LINGO2: variants seen among roughly 807,000 people sequenced by gnomAD.
LINGO2 encodes leucine rich repeat and Ig domain containing 2.
A neutral mutation model predicts 30.6 loss-of-function variants in LINGO2; 14 were observed. The observed-to-expected ratio is 0.46, with a 90% CI of 0.30 to 0.72. The LOEUF (loss-of-function observed/expected upper bound fraction) is 0.72, where lower values mean the gene tolerates loss of function less well. Ranked by LOEUF, LINGO2 falls within the 30% of genes least tolerant of loss-of-function variation. LINGO2 has a pLI of 0.07. For synonymous variants in LINGO2, 317 were observed against 288.5 expected, an observed-to-expected ratio of 1.10 and a Z score of -1.00; for missense variants, 729 against 751.7, an observed-to-expected ratio of 0.97 and a Z score of 0.35.
At chr9:28,663,753 G>A (rs1049928798) in intron 1 of LINGO2, among the ~76,000 whole-genome samples, 7 of 152,064 alleles carry the variant, frequency 4.6e-5, no homozygotes, top group Non-Finnish European at 8.8e-5. Flanking sequence ...TTTAATTGTA[G>A]CTCCCTTCAC....
chr9:29,041,039 C>G, the LINGO2 span, among the ~76,000 whole-genome samples: 2 of 151,626 alleles, frequency 1.3e-5, no homozygotes, highest in African/African-American at 4.8e-5. Context: ...CTATTGTGCA[C>G]TCTTCTTTCA....
At chr9:28,151,890 T>C (rs2133558401) in intron 4 of LINGO2, among the ~76,000 whole-genome samples, 1 of 152,212 alleles carries the variant, frequency 6.6e-6, no homozygotes, top group South Asian at 2.1e-4. Context: ...GACTAGATGA[T>C]TTAACATTTT....
intron 4 of LINGO2, among the ~76,000 whole-genome samples, chr9:28,048,032 A>G (rs887733688): frequency 6.6e-6 from 1 of 150,810 alleles, no homozygotes; most frequent in African/African-American, 2.5e-5. Context: ...TTAGACATTA[A>G]ACTTACAAAG....
At chr9:29,010,846 C>T in the LINGO2 span, among the ~76,000 whole-genome samples, 2 of 145,732 alleles carry the variant, frequency 1.4e-5, no homozygotes, top group East Asian at 4.0e-4. Context: ...TGTGCCACTG[C>T]ACTCCAGCCT....
the LINGO2 span, among the ~76,000 whole-genome samples, chr9:28,854,527 A>G: frequency 6.6e-6 from 1 of 152,046 alleles, no homozygotes; most frequent in Non-Finnish European, 1.5e-5. Context: ...GAATCTCCAC[A>G]GAGTTGCAAT....
At chr9:29,180,170 C>T in the LINGO2 span, among the ~76,000 whole-genome samples, 1 of 152,166 alleles carries the variant, frequency 6.6e-6, no homozygotes, top group Non-Finnish European at 1.5e-5. Context: ...CTGCCTCTTT[C>T]ACATACATAA....
At chr9:29,159,655 G>C in the LINGO2 span, among the ~76,000 whole-genome samples, 3 of 151,990 alleles carry the variant, frequency 2.0e-5, no homozygotes, top group African/African-American at 4.8e-5. Flanking sequence ...TCAGGAGTTC[G>C]AGACAAGCCT....
the LINGO2 span, among the ~76,000 whole-genome samples, chr9:28,738,727 G>C: frequency 6.6e-6 from 1 of 151,928 alleles, no homozygotes; most frequent in Non-Finnish European, 1.5e-5. Flanking sequence ...TTCTCAGAAT[G>C]CAAGGGAGAT....
chr9:28,111,444 T>G (rs534760597), intron 4 of LINGO2, among the ~76,000 whole-genome samples: 2 of 152,052 alleles, frequency 1.3e-5, no homozygotes, highest in East Asian at 3.9e-4. Flanking sequence ...GCTGACATCA[T>G]GCGTTCCTCC....
Position 28,003,386 on chromosome 9 carries a change from T to TATAG in LINGO2, c.-36+8968_-36+8969insCTAT, listed in dbSNP as rs144010026. On this transcript the variant is annotated intron_variant, in intron 5 of 5. Coordinates refer to ENST00000379992, the Ensembl canonical transcript of LINGO2. ...AGATAGATAGATAGATAGATAGATATAGAGAGAGAGAGAGTTAGAGAGTTC... is the reference window on the plus strand; with the variant it reads ...AGATAGATAGATAGATAGATAGATATATAGAGAGAGAGAGAGAGTTAGAGAGTTC... Among the ~76,000 whole-genome samples, 490 of 134,954 alleles carry TATAG rather than the reference T, an allele frequency of 3.6e-3. 5 individuals are homozygous for TATAG. The highest frequency in any genetic ancestry group is 5.2e-3 in the Admixed American group (73 of 13,982). The allele number at this position is 134,954 out of a possible 152,430, so 88.5% of individuals were successfully genotyped here.
the LINGO2 span, among the ~76,000 whole-genome samples, chr9:28,780,588 T>C: frequency 6.6e-6 from 1 of 152,262 alleles, no homozygotes; most frequent in East Asian, 1.9e-4. Flanking sequence ...TCCAGATCCA[T>C]CACAGGCCTA....
At chr9:29,112,899 C>G in the LINGO2 span, among the ~76,000 whole-genome samples, 9 of 152,224 alleles carry the variant, frequency 5.9e-5, no homozygotes, top group South Asian at 1.7e-3. Flanking sequence ...ACTTAATATT[C>G]ACAGAAAGCC....
intron 1 of LINGO2, among the ~76,000 whole-genome samples, chr9:28,529,987 C>T (rs1821167044): frequency 6.6e-6 from 1 of 151,988 alleles, no homozygotes; most frequent in Non-Finnish European, 1.5e-5. Context: ...AAACTTGACA[C>T]AGTATTTTTC....
intron 4 of LINGO2, among the ~76,000 whole-genome samples, chr9:28,043,954 TG>T (rs1824305079): frequency 6.6e-6 from 1 of 152,216 alleles, no homozygotes; most frequent in South Asian, 2.1e-4. Context: ...TGCAGTTGGT[TG>T]ATGTATATGT....
chr9:29,037,594 T>G, the LINGO2 span, among the ~76,000 whole-genome samples: 1 of 152,040 alleles, frequency 6.6e-6, no homozygotes, highest in Admixed American at 6.6e-5. Flanking sequence ...TATATGAAGA[T>G]TAAAATATTA....
chr9:28,782,447 A>G, the LINGO2 span, among the ~76,000 whole-genome samples: 2 of 152,194 alleles, frequency 1.3e-5, no homozygotes, highest in Non-Finnish European at 2.9e-5. Context: ...TGGATAGTGT[A>G]GTCCCAGAGG....
At chr9:27,987,726 G>A (rs1821191896) in intron 5 of LINGO2, among the ~76,000 whole-genome samples, 1 of 151,842 alleles carries the variant, frequency 6.6e-6, no homozygotes, top group Admixed American at 6.6e-5. Context: ...GCCTTGGAAG[G>A]ATCCAATTAA....
At chr9:28,413,088 C>T (rs117423921) in intron 2 of LINGO2, among the ~76,000 whole-genome samples, 2,331 of 152,120 alleles carry the variant, frequency 0.015, 32 homozygotes, top group Non-Finnish European at 0.022. Context: ...GTATGTAATA[C>T]ACATAGCATA....
At chr9:28,027,839 C>T (rs919001036) in intron 4 of LINGO2, among the ~76,000 whole-genome samples, 1 of 152,074 alleles carries the variant, frequency 6.6e-6, no homozygotes, top group Non-Finnish European at 1.5e-5. Flanking sequence ...TAGTGATGCT[C>T]TTGGATTAAG....
Sources: gnomAD v4.1 joint callset for allele counts (sites outside exome capture counted in the v4.1 genomes callset) on GRCh38, gnomAD v4.1.1 for gene constraint, MANE v1.5 for transcripts, NCBI Gene and HGNC (gene_info 2026-07-23, HGNC 2026-07-21) for gene names.